FRMD5: variants seen among roughly 807,000 people sequenced by gnomAD.
FRMD5 encodes the protein FERM domain-containing protein 5.
FRMD5 carries 20 observed loss-of-function variants against 69.0 expected under a neutral mutation model. The observed-to-expected ratio is 0.29, with a 90% confidence interval of 0.20 to 0.42. FRMD5 has a LOEUF of 0.42. Ranked by LOEUF, FRMD5 falls within the 10% of genes least tolerant of loss-of-function variation. The pLI is 1.00. For synonymous variants in FRMD5, 271 were observed against 260.1 expected, an observed-to-expected ratio of 1.04 and a Z score of -0.40; for missense variants, 595 against 708.6, an observed-to-expected ratio of 0.84 and a Z score of 1.82.
At chr15:43,965,098 T>C (rs1009928586) in intron 1 of FRMD5, among the ~76,000 whole-genome samples, 2 of 152,212 alleles carry the variant, frequency 1.3e-5, no homozygotes, top group Admixed American at 1.3e-4. Flanking sequence ...ACTTTTTAAA[T>C]TGACAGGGAT....
chr15:44,172,176 G>A (rs534764468), intron 1 of FRMD5, among the ~76,000 whole-genome samples: 11 of 150,354 alleles, frequency 7.3e-5, no homozygotes, highest in Non-Finnish European at 1.5e-4. Flanking sequence ...CGGCAGCCTC[G>A]ACCTCCTGGG....
At chr15:44,143,193 C>T (rs2077299914) in intron 1 of FRMD5, among the ~76,000 whole-genome samples, 1 of 152,100 alleles carries the variant, frequency 6.6e-6, no homozygotes, top group Admixed American at 6.5e-5. Context: ...GCACCTATCC[C>T]ACCTAATCAC....
At chr15:43,987,098 C>T (rs1566881213) in intron 1 of FRMD5, among the ~76,000 whole-genome samples, 1 of 152,212 alleles carries the variant, frequency 6.6e-6, no homozygotes, top group East Asian at 1.9e-4. Context: ...CATTTCCCTC[C>T]CTCTCTTCAG....
intron 13 of FRMD5, among the ~76,000 whole-genome samples, chr15:43,881,523 G>C (rs1207729666): frequency 6.6e-6 from 1 of 152,188 alleles, no homozygotes; most frequent in African/African-American, 2.4e-5. Context: ...GTTCTGCAGT[G>C]GGGGAACTAG....
At chr15:43,982,157 T>G (rs1337400908) in intron 1 of FRMD5, among the ~76,000 whole-genome samples, 2 of 152,204 alleles carry the variant, frequency 1.3e-5, no homozygotes, top group African/African-American at 4.8e-5. Context: ...CTGTGTGAAA[T>G]GAGCCTTAAA....
intron 1 of FRMD5, among the ~76,000 whole-genome samples, chr15:44,103,397 AT>A (rs566576613): frequency 1.6e-4 from 25 of 152,314 alleles, no homozygotes; most frequent in African/African-American, 5.1e-4. Context: ...AATAGTTTTG[AT>A]TAGACATATA....
intron 1 of FRMD5, among the ~76,000 whole-genome samples, chr15:44,087,735 GCTATCA>G (rs1431660466): frequency 2.0e-5 from 2 of 98,532 alleles, no homozygotes; most frequent in Admixed American, 2.6e-4. Flanking sequence ...AATATCAGCT[GCTATCA>G]TCATCATCAT....
chr15:44,082,758 G>A (rs1234454567), intron 1 of FRMD5, among the ~76,000 whole-genome samples: 1 of 151,778 alleles, frequency 6.6e-6, no homozygotes, highest in Non-Finnish European at 1.5e-5. Context: ...GGTACTTAGA[G>A]GAAAAAAATC....
At chr15:44,198,998 C>T (rs1182776520), upstream of FRMD5, among the ~76,000 whole-genome samples, 3 of 152,138 alleles carry the variant, frequency 2.0e-5, no homozygotes, top group Admixed American at 6.5e-5. Context: ...GAGGTACTAT[C>T]CCCCACGTAT....
At chr15:44,149,510 T>C (rs1376251944) in intron 1 of FRMD5, among the ~76,000 whole-genome samples, 1 of 152,090 alleles carries the variant, frequency 6.6e-6, no homozygotes, top group Non-Finnish European at 1.5e-5. Flanking sequence ...TCCAACTATA[T>C]GCTATCTATA....
intron 2 of FRMD5, among the ~76,000 whole-genome samples, chr15:43,922,291 A>G (rs1036645486): frequency 2.6e-5 from 4 of 152,226 alleles, no homozygotes; most frequent in African/African-American, 9.6e-5. Context: ...ACTCATCTGG[A>G]TAACAGATAT....
chr15:44,175,167 T>A (rs1595557055), intron 1 of FRMD5, among the ~76,000 whole-genome samples: 1 of 152,174 alleles, frequency 6.6e-6, no homozygotes. Context: ...TCAATATTTT[T>A]AAAACTGATA....
intron 1 of FRMD5, among the ~76,000 whole-genome samples, chr15:44,128,357 G>A (rs1392146547): frequency 2.0e-5 from 3 of 152,202 alleles, no homozygotes; most frequent in Non-Finnish European, 2.9e-5. Context: ...GCGCAGGCCT[G>A]TAATCCCAGC....
At chr15:44,155,924 C>A (rs779688109) in intron 1 of FRMD5, among the ~76,000 whole-genome samples, 1 of 151,792 alleles carries the variant, frequency 6.6e-6, no homozygotes, top group African/African-American at 2.4e-5. Flanking sequence ...TGAGTGACCA[C>A]TGACTAGGTG....
At chr15:43,984,820 C>G (rs182461234) in intron 1 of FRMD5, among the ~76,000 whole-genome samples, 1 of 151,958 alleles carries the variant, frequency 6.6e-6, no homozygotes, top group Non-Finnish European at 1.5e-5. Context: ...CCTGTCTCTA[C>G]CAAAAATATA....
chr15:43,998,071 TA>T (rs1387711874), intron 1 of FRMD5, among the ~76,000 whole-genome samples: 1 of 152,302 alleles, frequency 6.6e-6, no homozygotes, highest in Admixed American at 6.5e-5. Context: ...ATAATATAAT[TA>T]ACATCTTCAA....
intron 1 of FRMD5, among the ~76,000 whole-genome samples, chr15:44,103,750 T>C (rs929532491): frequency 6.6e-6 from 1 of 152,264 alleles, no homozygotes; most frequent in Admixed American, 6.5e-5. Flanking sequence ...TCTGTCTCCA[T>C]GGATTTGCCT....
chr15:43,912,822 A>G (rs1231610785), intron 4 of FRMD5, among the ~76,000 whole-genome samples: 1 of 150,070 alleles, frequency 6.7e-6, no homozygotes, highest in Non-Finnish European at 1.5e-5. Context: ...GTTCGAGACC[A>G]CCATGGCCAA....
At chr15:43,947,002 C>A (rs971682497) in intron 1 of FRMD5, among the ~76,000 whole-genome samples, 5 of 152,180 alleles carry the variant, frequency 3.3e-5, no homozygotes, top group African/African-American at 1.2e-4. Flanking sequence ...TGGAAAAGTA[C>A]AAGCTTTTAA....
Sources: allele counts gnomAD v4.1 joint callset (sites outside exome capture counted in the v4.1 genomes callset), GRCh38; gene constraint gnomAD v4.1.1; transcripts MANE v1.5; gene names NCBI Gene and HGNC (gene_info 2026-07-23, HGNC 2026-07-21).